ACTA2: variants seen among roughly 807,000 people sequenced by gnomAD.
The protein encoded by ACTA2 is actin alpha 2, smooth muscle, also known as actin, aortic smooth muscle.
ACTA2 carries 12 observed loss-of-function variants against 39.5 expected under a neutral mutation model. The ratio of observed to expected loss-of-function variants is 0.30; its 90% CI spans 0.19 to 0.49. The LOEUF (loss-of-function observed/expected upper bound fraction) is 0.49, where lower values mean the gene tolerates loss of function less well. ACTA2 is among the 20% of genes least tolerant of loss of function. ACTA2 has a pLI of 0.99. For missense variants in ACTA2, 236 were observed against 498.8 expected, an observed-to-expected ratio of 0.47 and a Z score of 5.02; for synonymous variants, 158 against 180.6, an observed-to-expected ratio of 0.88 and a Z score of 1.00.
At chr10:88,962,842 G>A (rs1846248763) in intron 1 of ACTA2, among the ~76,000 whole-genome samples, 1 of 148,636 alleles carries the variant, frequency 6.7e-6, no homozygotes, top group South Asian at 2.2e-4. Flanking sequence ...AATCATGGTG[G>A]AAGGTGAAGG....
chr10:88,965,366 T>C (rs917255836), intron 1 of ACTA2, among the ~76,000 whole-genome samples: 1 of 152,178 alleles, frequency 6.6e-6, no homozygotes, highest in Admixed American at 6.6e-5. Flanking sequence ...GCAATGACCA[T>C]CTCAGACGTT....
At chr10:88,973,182 A>G in intron 1 of ACTA2, 3 of 1,611,952 alleles carry the variant, frequency 1.9e-6, no homozygotes, top group Non-Finnish European at 2.5e-6. Context: ...TGACCTATAG[A>G]TTCAGAAATT....
chr10:88,989,414 A>G, intron 1 of ACTA2: 1 of 503,546 alleles, frequency 2.0e-6, no homozygotes, highest in South Asian at 1.5e-5. Context: ...CAGAGATAAT[A>G]CAGAGAATGC....
intron 1 of ACTA2, among the ~76,000 whole-genome samples, chr10:88,952,294 A>T (rs1048101856): frequency 6.6e-6 from 1 of 152,230 alleles, no homozygotes; most frequent in Admixed American, 6.5e-5. Context: ...CCACTTCCAG[A>T]CACCTAAGCT....
At chr10:88,983,175 A>G (rs1234329455) in intron 1 of ACTA2, among the ~76,000 whole-genome samples, 2 of 152,190 alleles carry the variant, frequency 1.3e-5, no homozygotes, top group South Asian at 4.1e-4. Flanking sequence ...TTTCAATCCA[A>G]TTTGCATGGC....
rs1060500134 is a variant in ACTA2, at chr10:88,947,301, G to A, written c.215C>T (p.Pro72Leu). The change falls in exon 3 of 9, where the codon CCG (proline) becomes CTG (leucine). Residue 72 changes from proline (P) to leucine (L), a missense_variant. Transcript: ENST00000224784. The part of the protein sequence containing the change: ...SKRGILTLKY[P>L]IEHGIITNWD... ...GTTGGTGATGATGCCATGTTCTATCGGGTACTTCAGGGTCAGGATTCCTCT... is the reference window on the plus strand; with the variant it reads ...GTTGGTGATGATGCCATGTTCTATCAGGTACTTCAGGGTCAGGATTCCTCT... 1 of 1,613,796 alleles carries A rather than the reference G, an allele frequency of 6.2e-7. No individual in the cohort carries two copies. The highest frequency in any genetic ancestry group is 8.5e-7 in the Non-Finnish European group (1 of 1,179,872).
chr10:88,944,343 C>T (rs1040163790), intron 3 of ACTA2, among the ~76,000 whole-genome samples: 2 of 152,142 alleles, frequency 1.3e-5, no homozygotes, highest in African/African-American at 2.4e-5. Flanking sequence ...AGGTAACCCT[C>T]GAGTTATTGT....
intron 1 of ACTA2, among the ~76,000 whole-genome samples, chr10:88,988,926 C>A (rs1477971108): frequency 6.6e-6 from 1 of 152,144 alleles, no homozygotes; most frequent in Non-Finnish European, 1.5e-5. Context: ...TGTCTCCCCA[C>A]AAAGCACATA....
In ACTA2 at chr10:88,990,995, T is replaced by TGCGGCG. The variant is rs1847152521; in HGVS notation, c.-86_-81dup. On this transcript the variant is annotated 5_prime_UTR_variant, in exon 1 of 5. Transcript: ENST00000415557. The surrounding 1 kb of genome is among the most constrained non-coding windows in gnomAD (Gnocchi z 4.9). The stretch of plus-strand genomic sequence containing the variant: ...GGCGGGCGCGGGACGCGTGCGGGAT[T>TGCGGCG]GCGGCGGCAGCGGCGCACGCGGGCA... 1.3e-6 allele frequency: 2 copies of TGCGGCG among 1,588,468 alleles called. No homozygotes were observed. The highest frequency in any genetic ancestry group is 1.7e-6 in the Non-Finnish European group (2 of 1,159,636).
At chr10:88,963,155 T>C (rs1317782062) in intron 1 of ACTA2, among the ~76,000 whole-genome samples, 1 of 151,186 alleles carries the variant, frequency 6.6e-6, no homozygotes, top group East Asian at 2.0e-4. Flanking sequence ...GGAGCTACAA[T>C]TCAAGATGAG....
chr10:88,990,564 T>G lies in ACTA2; in HGVS notation c.-24+375A>C, dbSNP rs1451045804. On this transcript the variant is annotated intron_variant, in intron 1 of 4. Transcript: ENST00000415557. The surrounding 1 kb of genome is among the most constrained non-coding windows in gnomAD (Gnocchi z 4.9). Reference sequence around the variant, plus strand: ...CGCGCAGGCCAAGTTGCTGAATCAATGGAGCCCTCCCCAACCCGGGCGTTC... The same window carrying G: ...CGCGCAGGCCAAGTTGCTGAATCAAGGGAGCCCTCCCCAACCCGGGCGTTC... The G allele has an allele frequency of 1.5e-6, 1 of 645,732 alleles. No homozygotes were observed. Among genetic ancestry groups the G allele is most frequent in the Non-Finnish European group, 2.9e-6 (1 of 349,616 alleles). 40.0% of individuals were successfully genotyped at this position (645,732 alleles called of 1,614,324 possible). A position where few individuals can be genotyped will look rare whatever the true frequency, so the allele number is the denominator to read the frequency against.
intron 1 of ACTA2, among the ~76,000 whole-genome samples, chr10:88,966,801 T>G (rs1846326708): frequency 6.6e-6 from 1 of 152,176 alleles, no homozygotes; most frequent in Non-Finnish European, 1.5e-5. Context: ...AACTATTAAG[T>G]GCCAATCAGA....
At chr10:88,962,599 A>T (rs1846242748) in intron 1 of ACTA2, among the ~76,000 whole-genome samples, 1 of 152,152 alleles carries the variant, frequency 6.6e-6, no homozygotes, top group Non-Finnish European at 1.5e-5. Context: ...AATACCACAG[A>T]TGGTGTTATA....
intron 1 of ACTA2, among the ~76,000 whole-genome samples, chr10:88,984,437 A>G (rs1304609289): frequency 1.3e-5 from 2 of 152,224 alleles, no homozygotes; most frequent in Non-Finnish European, 2.9e-5. Flanking sequence ...AGGGCCTTAA[A>G]TGATAGTAGC....
intron 3 of ACTA2, 106 bp downstream of exon 3, chr10:88,947,152 G>C: frequency 6.8e-7 from 1 of 1,472,022 alleles, no homozygotes; most frequent in South Asian, 1.2e-5. Context: ...AAGTACAGTT[G>C]AGCAATGTGA....
chr10:88,938,464 T>G (rs1453713450), intron 7 of ACTA2: 1 of 568,108 alleles, frequency 1.8e-6, no homozygotes, highest in Non-Finnish European at 3.2e-6. Flanking sequence ...TCCTGAGGTG[T>G]GGGCTACAAC....
intron 1 of ACTA2, among the ~76,000 whole-genome samples, chr10:88,986,975 A>G (rs1327125890): frequency 1.3e-5 from 2 of 152,244 alleles, no homozygotes; most frequent in Non-Finnish European, 2.9e-5. Context: ...AGGAAATAAT[A>G]TGTTCTCCAG....
chr10:88,946,359 A>G (rs993378388), intron 3 of ACTA2, among the ~76,000 whole-genome samples: 1 of 143,008 alleles, frequency 7.0e-6, no homozygotes, highest in Non-Finnish European at 1.5e-5. Context: ...CAAGTGATCC[A>G]GTGCTGAGAT....
At chr10:88,951,070 T>C (rs1182832894) in intron 1 of ACTA2, among the ~76,000 whole-genome samples, 1 of 152,174 alleles carries the variant, frequency 6.6e-6, no homozygotes, top group Non-Finnish European at 1.5e-5. Context: ...GGCTTGCCCT[T>C]TCCTTTCCCA....
Sources: allele counts gnomAD v4.1 joint callset (sites outside exome capture counted in the v4.1 genomes callset), GRCh38; gene constraint gnomAD v4.1.1; non-coding constraint Gnocchi (gnomAD v3.1); transcripts MANE v1.5; gene names NCBI Gene and HGNC (gene_info 2026-07-23, HGNC 2026-07-21).